SLC22A23: variants seen among roughly 807,000 people sequenced by gnomAD.
SLC22A23 encodes solute carrier family 22 member 23, also known as ion transporter protein.
A neutral mutation model predicts 61.0 loss-of-function variants in SLC22A23; 26 were observed. The ratio of observed to expected loss-of-function variants is 0.43; its 90% CI spans 0.31 to 0.59. SLC22A23 has a LOEUF of 0.59. Among genes scored for constraint, SLC22A23 ranks in the 20% least tolerant of loss-of-function variants. The pLI, the probability that SLC22A23 is intolerant of heterozygous loss-of-function variation, is 0.11. For missense variants in SLC22A23, 796 were observed against 934.7 expected, an observed-to-expected ratio of 0.85 and a Z score of 1.94; for synonymous variants, 430 against 413.9, an observed-to-expected ratio of 1.04 and a Z score of -0.47.
At chr6:3,439,239 A>G (rs893386740) in intron 1 of SLC22A23, 4 of 406,308 alleles carry the variant, frequency 9.8e-6, no homozygotes, top group East Asian at 7.2e-5. Context: ...AAGGTGTGAC[A>G]ACAACGACAA....
At position 3,333,063 on chromosome 6, in the gene SLC22A23, G is replaced by A. The variant is rs562468201; in HGVS notation, c.914-9061C>T. Among the ~76,000 whole-genome samples the A allele has an allele frequency of 3.2e-4, 49 of 152,264 alleles. 1 individual carries two copies. The South Asian group carries it at 0.01, about 32-fold the overall frequency. On this transcript the variant is annotated intron_variant, in intron 3 of 9. Transcript: ENST00000406686. The surrounding 1 kb of genome is among the most constrained non-coding windows in gnomAD (Gnocchi z 4.1). ...GCTGCCCCGCAGGAGGTCACCTACT[G>A]GGAATGACGCTACCACTGACCCATG...
Position 3,286,519 on chromosome 6 carries a change from C to T in SLC22A23, c.1546+340G>A, listed in dbSNP as rs1760022208. Among the ~76,000 whole-genome samples, 1 of 152,252 alleles carries T rather than the reference C, an allele frequency of 6.6e-6. No individual in the cohort carries two copies. The highest frequency in any genetic ancestry group is 2.1e-4 in the South Asian group (1 of 4,832). The stretch of plus-strand genomic sequence containing the variant: ...GGTGACAAAACAGATTTATTTCCCC[C>T]TTAATGTCACTCGAAAGAGACAATC... On this transcript the variant is annotated intron_variant, in intron 7 of 9. Coordinates refer to ENST00000406686, the MANE Select transcript of SLC22A23 (RefSeq NM_015482.2). The surrounding 1 kb of genome is among the most constrained non-coding windows in gnomAD (Gnocchi z 4.2).
At chr6:3,332,173 T>C (rs1763618147) in intron 3 of SLC22A23, among the ~76,000 whole-genome samples, 1 of 152,178 alleles carries the variant, frequency 6.6e-6, no homozygotes, top group African/African-American at 2.4e-5. Flanking sequence ...ATGCTCTCAG[T>C]TCCCCAGCTG....
chr6:3,367,793 C>T (rs1337326580), intron 3 of SLC22A23, among the ~76,000 whole-genome samples: 1 of 152,162 alleles, frequency 6.6e-6, no homozygotes, highest in Non-Finnish European at 1.5e-5. Context: ...AGGAACCAGC[C>T]TCCATCAATG....
intron 9 of SLC22A23, among the ~76,000 whole-genome samples, chr6:3,279,509 C>CAA (rs10642564): frequency 0.024 from 847 of 35,976 alleles, 126 homozygotes; most frequent in African/African-American, 0.035. Context: ...GGCTCCGTCT[C>CAA]AAAAAAAAAA....
intron 1 of SLC22A23, chr6:3,439,224 C>T: frequency 2.6e-6 from 1 of 391,916 alleles, no homozygotes; most frequent in South Asian, 2.0e-5. Flanking sequence ...CCCCCCATGC[C>T]CCCAAAGGTG....
chr6:3,449,211 C>G (rs932128534), intron 1 of SLC22A23, among the ~76,000 whole-genome samples: 1 of 152,144 alleles, frequency 6.6e-6, no homozygotes, highest in Non-Finnish European at 1.5e-5. Context: ...GTTATAAGAT[C>G]ATAAAAATGT....
rs1392605391 is a variant in SLC22A23, at chr6:3,410,046, A to T, written c.913+142T>A. 3 of 908,452 alleles carry T rather than the reference A, an allele frequency of 3.3e-6. No homozygotes were observed. Among genetic ancestry groups the T allele is most frequent in the Non-Finnish European group, 4.8e-6 (3 of 619,004 alleles). 56.3% of individuals were successfully genotyped at this position (908,452 alleles called of 1,614,324 possible). A position where few individuals can be genotyped will look rare whatever the true frequency, so the allele number is the denominator to read the frequency against. ...CATCACCTGAAAAGCCTCTTTCACAACACTTGAGGCCTTTAATGTTTGTGT... is the reference window on the plus strand; with the variant it reads ...CATCACCTGAAAAGCCTCTTTCACATCACTTGAGGCCTTTAATGTTTGTGT... On this transcript the variant is annotated intron_variant, in intron 3 of 9. Coordinates refer to ENST00000406686, the MANE Select transcript of SLC22A23 (RefSeq NM_015482.2). This position sits in a 1 kb window ranked among gnomAD's most constrained non-coding sequence, Gnocchi z 5.0.
At chr6:3,299,362 T>C (rs1168640229) in intron 4 of SLC22A23, among the ~76,000 whole-genome samples, 1 of 152,246 alleles carries the variant, frequency 6.6e-6, no homozygotes, top group Non-Finnish European at 1.5e-5. Context: ...CCTGCAGTTA[T>C]TTTCAGTTTC....
rs1159270846 is a variant in SLC22A23 at position 3,361,526 on chromosome 6, C to T, written c.914-37524G>A. On this transcript the variant is annotated intron_variant, in intron 3 of 9. Transcript: ENST00000406686. The stretch of plus-strand genomic sequence containing the variant: ...GGGTCCCAGGAGAACGGCGACCTGC[C>T]TATCAGTTCTATCTCTAAAACTCTG... 2.0e-5 allele frequency among the ~76,000 whole-genome samples: 3 copies of T among 152,174 alleles called. No individual in the cohort carries two copies. The East Asian group carries it at 5.8e-4, about 29-fold the overall frequency.
At chr6:3,278,620 G>A (rs748923658) in intron 9 of SLC22A23, among the ~76,000 whole-genome samples, 8 of 152,206 alleles carry the variant, frequency 5.3e-5, no homozygotes, top group Non-Finnish European at 8.8e-5. Flanking sequence ...TCCTGGATAG[G>A]AAGGTCAGCT....
intron 3 of SLC22A23, among the ~76,000 whole-genome samples, chr6:3,376,955 A>C (rs1214493957): frequency 2.6e-5 from 4 of 151,624 alleles, no homozygotes; most frequent in African/African-American, 7.3e-5. Context: ...GATGGAGGAG[A>C]GGGTCCACAT....
intron 3 of SLC22A23, among the ~76,000 whole-genome samples, chr6:3,339,351 C>T (rs1764028201): frequency 6.6e-6 from 1 of 152,130 alleles, no homozygotes; most frequent in South Asian, 2.1e-4. Flanking sequence ...TCTGTTCATT[C>T]CCCAGGTGCA....
chr6:3,348,835 C>A (rs916314507), intron 3 of SLC22A23, among the ~76,000 whole-genome samples: 2 of 152,222 alleles, frequency 1.3e-5, no homozygotes, highest in Non-Finnish European at 2.9e-5. Context: ...TCCCAGCCAA[C>A]GGACCGGGTC....
rs1767580354 is a variant in SLC22A23, at chr6:3,390,224, G to A, written c.913+19964C>T. Among the ~76,000 whole-genome samples the A allele has an allele frequency of 6.6e-6, 1 of 152,162 alleles. No individual in the cohort carries two copies. Among genetic ancestry groups the A allele is most frequent in the South Asian group, 2.1e-4 (1 of 4,820 alleles). The stretch of plus-strand genomic sequence containing the variant: ...CATCCAATGACACCGAGGAGGAAAG[G>A]TACCGAAGAAAGAAAGCAGAACTGC... On this transcript the variant is annotated intron_variant, in intron 3 of 9. Transcript: ENST00000406686. This position sits in a 1 kb window ranked among gnomAD's most constrained non-coding sequence, Gnocchi z 4.0.
chr6:3,446,745 T>C (rs1169811903), intron 1 of SLC22A23, among the ~76,000 whole-genome samples: 1 of 152,142 alleles, frequency 6.6e-6, no homozygotes, highest in East Asian at 1.9e-4. Context: ...CTCTCCTCCC[T>C]CCCCTCTGCC....
rs568500407 is a variant in SLC22A23, at chr6:3,327,585, T to C, written c.914-3583A>G. On this transcript the variant is annotated intron_variant, in intron 3 of 9. Transcript: ENST00000406686. This position sits in a 1 kb window ranked among gnomAD's most constrained non-coding sequence, Gnocchi z 4.1. ...AAGTTCAAATCCTGCTCCTGGTACATAGAAGCTGTGACCTTGGTTCAGTCA... is the reference window on the plus strand; with the variant it reads ...AAGTTCAAATCCTGCTCCTGGTACACAGAAGCTGTGACCTTGGTTCAGTCA... Among the ~76,000 whole-genome samples the C allele has an allele frequency of 2.6e-5, 4 of 152,356 alleles. No individual in the cohort carries two copies. Among genetic ancestry groups the C allele is most frequent in the South Asian group, 2.1e-4 (1 of 4,830 alleles).
chr6:3,423,314 T>C (rs1165777026), intron 1 of SLC22A23, among the ~76,000 whole-genome samples: 2 of 152,220 alleles, frequency 1.3e-5, no homozygotes, highest in African/African-American at 4.8e-5. Flanking sequence ...TCTTTTACTT[T>C]TTCTTGAAGG....
chr6:3,410,399 G>A lies in SLC22A23; in HGVS notation c.759-57C>T. On this transcript the variant is annotated intron_variant, in intron 2 of 9. Coordinates refer to ENST00000406686, the MANE Select transcript of SLC22A23 (RefSeq NM_015482.2). This position sits in a 1 kb window ranked among gnomAD's most constrained non-coding sequence, Gnocchi z 5.0. The stretch of plus-strand genomic sequence containing the variant: ...ATTGTGAAACAAGACAATGACGCTA[G>A]ATGCTGAAACCCGGTGTCCAGCAGG... 6.6e-7 allele frequency: 1 copy of A among 1,506,122 alleles called. No individual in the cohort carries two copies. The highest frequency in any genetic ancestry group is 2.2e-5 in the Admixed American group (1 of 45,608). The allele number at this position is 1,506,122 out of a possible 1,614,324, so 93.3% of individuals were successfully genotyped here. A position where few individuals can be genotyped will look rare whatever the true frequency, so the allele number is the denominator to read the frequency against.
Sources: allele counts gnomAD v4.1 joint callset (sites outside exome capture counted in the v4.1 genomes callset), GRCh38; gene constraint gnomAD v4.1.1; non-coding constraint Gnocchi (gnomAD v3.1); transcripts MANE v1.5; gene names NCBI Gene and HGNC (gene_info 2026-07-23, HGNC 2026-07-21).